Variants in CFTR observed in about 807,000 individuals in gnomAD.
CFTR encodes CF transmembrane conductance regulator.
CFTR carries 181 observed loss-of-function variants against 171.6 expected under a neutral mutation model. The ratio of observed to expected loss-of-function variants is 1.05; its 90% CI spans 0.93 to 1.19. The LOEUF (loss-of-function observed/expected upper bound fraction) is 1.19. Ranked by LOEUF, CFTR falls within the 50% of genes most tolerant of loss-of-function variation. The pLI is 0.00. For synonymous variants in CFTR, 583 were observed against 608.0 expected (o/e 0.96, Z 0.60); for missense variants, 1,968 against 1,734.7 (o/e 1.13, Z -2.39).
intron 1 of CFTR, 30 bp downstream of exon 1, chr7:117,480,177 A>G: frequency 6.2e-7 from 1 of 1,611,632 alleles, no homozygotes; most frequent in Admixed American, 1.7e-5. Context: ...AGCTTCGGAA[A>G]GACACGTGCC....
chr7:117,505,715 T>C (rs1303376257), intron 2 of CFTR, among the ~76,000 whole-genome samples: 4 of 151,992 alleles, frequency 2.6e-5, no homozygotes, highest in African/African-American at 7.2e-5. Context: ...GATAAAAGGG[T>C]GAGTGAAGGG....
intron 10 of CFTR, among the ~76,000 whole-genome samples, chr7:117,554,019 G>A (rs1198957603): frequency 6.6e-6 from 1 of 152,152 alleles, no homozygotes; most frequent in African/African-American, 2.4e-5. Context: ...TGTCAGAGAA[G>A]TAATCGGCGG....
chr7:117,584,740 A>C lies in CFTR; in HGVS notation c.1585-2999A>C, dbSNP rs932478503. ...GATATTTTGATGGGAATTGTATTGA[A>C]TTTGTAGATTGCTTTTGGCAGTATG... is the stretch of plus-strand genomic sequence containing the variant. On this transcript the variant is annotated intron_variant, in intron 11 of 26. Coordinates refer to ENST00000003084, the MANE Select transcript of CFTR (RefSeq NM_000492.4). Among the ~76,000 whole-genome samples the C allele has an allele frequency of 9.9e-5, 15 of 151,918 alleles. No homozygotes were observed. Among genetic ancestry groups the C allele is most frequent in the Middle Eastern group, 3.2e-3 (1 of 316 alleles).
intron 24 of CFTR, among the ~76,000 whole-genome samples, chr7:117,654,000 A>G (rs1793126946): frequency 1.3e-5 from 2 of 152,360 alleles, no homozygotes; most frequent in Admixed American, 6.5e-5. Context: ...CTATAAGTCT[A>G]AAACTTTAAG....
intron 11 of CFTR, among the ~76,000 whole-genome samples, chr7:117,585,900 C>G (rs1791925898): frequency 6.6e-6 from 1 of 152,140 alleles, no homozygotes; most frequent in African/African-American, 2.4e-5. Context: ...TCCCACCCAG[C>G]ATCCTGAAGT....
intron 22 of CFTR, among the ~76,000 whole-genome samples, chr7:117,640,377 A>G (rs1792892154): frequency 1.3e-5 from 2 of 152,136 alleles, no homozygotes; most frequent in Non-Finnish European, 2.9e-5. Context: ...TAAACCAAAG[A>G]TTTACAAATT....
rs79193253 is a variant in CFTR at position 117,641,488 on chromosome 7, T to C, written c.3718-950T>C. Among the ~76,000 whole-genome samples, 654 of 152,262 alleles carry C rather than the reference T, an allele frequency of 4.3e-3. 7 individuals are homozygous for C. Among genetic ancestry groups the C allele is most frequent in the Middle Eastern group, 0.014 (4 of 294 alleles). On this transcript the variant is annotated intron_variant, in intron 22 of 26. Transcript: ENST00000003084. ...TAAAAGACCATTTGCTCAGTTATAG[T>C]ATATAAAGGCCAAATGACTTAAAAA... is the stretch of plus-strand genomic sequence containing the variant.
At chr7:117,665,111 T>G (rs1793351809) in intron 25 of CFTR, among the ~76,000 whole-genome samples, 1 of 152,244 alleles carries the variant, frequency 6.6e-6, no homozygotes. Context: ...ATGAAGCTTT[T>G]AAATACATGG....
chr7:117,593,596 T>G (rs540139102), intron 14 of CFTR, among the ~76,000 whole-genome samples: 73 of 150,880 alleles, frequency 4.8e-4, no homozygotes, highest in African/African-American at 1.7e-3. Context: ...TTTTGTGTGT[T>G]TGTTTGTTTG....
intron 19 of CFTR, among the ~76,000 whole-genome samples, chr7:117,610,910 C>T (rs1325393208): frequency 6.6e-6 from 1 of 152,122 alleles, no homozygotes; most frequent in Non-Finnish European, 1.5e-5. Context: ...TATATAGAAT[C>T]TTACCACAGT....
At chr7:117,587,556 G>A (rs1791955743) in intron 11 of CFTR, among the ~76,000 whole-genome samples, 183 bp from the exon 12 acceptor site, 1 of 152,032 alleles carries the variant, frequency 6.6e-6, no homozygotes, top group Non-Finnish European at 1.5e-5. Context: ...TAAAATTTCA[G>A]CAATGTTGTT....
At position 117,594,945 on chromosome 7, in the gene CFTR, G is replaced by T. The variant is rs201386642; in HGVS notation, c.2506G>T (p.Asp836Tyr). The change falls in exon 15 of 27, where the codon GAT becomes TAT. Residue 836 changes from aspartate (D) to tyrosine (Y), a missense_variant. Coordinates refer to ENST00000003084, the MANE Select transcript of CFTR (RefSeq NM_000492.4). ...EEDLKECFFD[D>Y]MESIPAVTTW... ...TTTTATTCAGGAGTGCTTTTTTGAT[G>T]ATATGGAGAGCATACCAGCAGTGAC... 655 of 1,612,886 alleles carry T rather than the reference G, an allele frequency of 4.1e-4. 2 individuals are homozygous for T. Among genetic ancestry groups the T allele is most frequent in the Admixed American group, 1.8e-3 (108 of 59,978 alleles).
intron 9 of CFTR, among the ~76,000 whole-genome samples, chr7:117,545,798 AT>A (rs200318119): frequency 0.011 from 1,598 of 146,412 alleles, 50 homozygotes; most frequent in Admixed American, 0.067. Flanking sequence ...ATCATCACTT[AT>A]TTTTTTTTTT....
At chr7:117,617,002 C>G (rs764095858) in intron 21 of CFTR, among the ~76,000 whole-genome samples, 4 of 152,072 alleles carry the variant, frequency 2.6e-5, no homozygotes, top group Admixed American at 6.6e-5. Flanking sequence ...ACTATGCCCT[C>G]AAATTTTACG....
intron 3 of CFTR, among the ~76,000 whole-genome samples, chr7:117,524,353 CAA>C (rs1798737581): frequency 7.0e-6 from 1 of 142,754 alleles, no homozygotes; most frequent in Admixed American, 7.1e-5. Context: ...GACTGCAACT[CAA>C]GAGAGCATTT....
At chr7:117,666,598 C>G (rs1040318063) in intron 26 of CFTR, among the ~76,000 whole-genome samples, 1 of 152,078 alleles carries the variant, frequency 6.6e-6, no homozygotes, top group African/African-American at 2.4e-5. Context: ...TGTAGACTTA[C>G]GCTCATTTTC....
intron 3 of CFTR, among the ~76,000 whole-genome samples, chr7:117,521,920 T>A (rs1798691332): frequency 6.6e-6 from 1 of 152,174 alleles, no homozygotes; most frequent in Non-Finnish European, 1.5e-5. Context: ...TGATCCTATC[T>A]TAGGTATGCA....
intron 3 of CFTR, among the ~76,000 whole-genome samples, chr7:117,521,204 A>T (rs1228022351): frequency 2.6e-5 from 4 of 152,002 alleles, no homozygotes; most frequent in African/African-American, 9.7e-5. Flanking sequence ...TCGATCTATT[A>T]AATTCTTGAT....
intron 13 of CFTR, among the ~76,000 whole-genome samples, chr7:117,591,665 A>C (rs952363999): frequency 2.0e-5 from 3 of 152,146 alleles, no homozygotes; most frequent in African/African-American, 7.2e-5. Flanking sequence ...GATTTGCTCA[A>C]AGTCAAATAT....
Sources: gnomAD v4.1 joint callset for allele counts (sites outside exome capture counted in the v4.1 genomes callset) on GRCh38, gnomAD v4.1.1 for gene constraint, MANE v1.5 for transcripts, NCBI Gene and HGNC (gene_info 2026-07-23, HGNC 2026-07-21) for gene names.